IL1RAPL1: variants seen among roughly 807,000 people sequenced by gnomAD.
IL1RAPL1 encodes interleukin-1 receptor accessory protein-like 1.
Under a neutral mutation model 48.4 loss-of-function variants are expected in IL1RAPL1, and 3 were observed. That is an observed-to-expected ratio of 0.06 (90% CI 0.03 to 0.16). The LOEUF (loss-of-function observed/expected upper bound fraction) is 0.16. Among genes scored for constraint, IL1RAPL1 ranks in the 10% least tolerant of loss-of-function variants. The pLI is 1.00. For synonymous variants in IL1RAPL1, 185 were observed against 187.7 expected (o/e 0.99, Z 0.12); for missense variants, 349 against 530.6 (o/e 0.66, Z 3.36).
chrX:29,531,400 G>A (rs1569332356), intron 5 of IL1RAPL1, among the ~76,000 whole-genome samples: 1 of 111,839 alleles, frequency 8.9e-6, no homozygotes, highest in Non-Finnish European at 1.9e-5. Context: ...GCCATGTTTA[G>A]TATGCTTTTG....
chrX:29,949,208 C>T (rs1409567960), intron 9 of IL1RAPL1, among the ~76,000 whole-genome samples: 1 of 111,998 alleles, frequency 8.9e-6, no homozygotes, highest in East Asian at 2.8e-4. Context: ...TTTCCTTCTT[C>T]ATCAAGAGTT....
At chrX:29,406,143 A>G (rs992068313) in intron 5 of IL1RAPL1, among the ~76,000 whole-genome samples, 3 of 111,783 alleles carry the variant, frequency 2.7e-5, no homozygotes, top group Non-Finnish European at 3.8e-5. Flanking sequence ...TAATCCCAGC[A>G]CTTTGGGAGG....
intron 2 of IL1RAPL1, among the ~76,000 whole-genome samples, chrX:29,207,619 T>C (rs1217506105): frequency 1.8e-5 from 2 of 111,888 alleles, no homozygotes; most frequent in East Asian, 2.8e-4. Flanking sequence ...ATTATACCCA[T>C]GCTGACCTAG....
At chrX:29,117,320 C>T (rs764744175) in intron 2 of IL1RAPL1, among the ~76,000 whole-genome samples, 1 of 111,682 alleles carries the variant, frequency 9.0e-6, no homozygotes, top group Non-Finnish European at 1.9e-5. Context: ...ATAATAGACA[C>T]TAAATTTATT....
chrX:29,086,792 G>A (rs780135166), intron 2 of IL1RAPL1, among the ~76,000 whole-genome samples: 2 of 111,882 alleles, frequency 1.8e-5, no homozygotes, highest in South Asian at 7.4e-4. Context: ...ATAATATGTA[G>A]GGAAAATATA....
chrX:29,482,287 A>G (rs1935049434), intron 5 of IL1RAPL1, among the ~76,000 whole-genome samples: 1 of 111,705 alleles, frequency 9.0e-6, no homozygotes, highest in South Asian at 3.8e-4. Flanking sequence ...CCTATTGTTC[A>G]GGTTCAAGTC....
intron 1 of IL1RAPL1, among the ~76,000 whole-genome samples, chrX:28,671,094 A>G (rs1388593309): frequency 2.7e-5 from 3 of 112,272 alleles, no homozygotes; most frequent in Non-Finnish European, 5.6e-5. Context: ...CAGAAAAGGT[A>G]TTAACAAATC....
intron 2 of IL1RAPL1, among the ~76,000 whole-genome samples, chrX:28,968,615 AATAAC>A (rs1228630886): frequency 1.8e-5 from 2 of 112,912 alleles, no homozygotes; most frequent in African/African-American, 6.4e-5. Flanking sequence ...ATTCCCATAA[AATAAC>A]ATGAGTTAAG....
chrX:29,457,882 C>T (rs937025158), intron 5 of IL1RAPL1, among the ~76,000 whole-genome samples: 1 of 112,268 alleles, frequency 8.9e-6, no homozygotes, highest in Non-Finnish European at 1.9e-5. Context: ...TTTCAAATAG[C>T]TGTTCTGACT....
At chrX:29,077,876 T>C (rs1717518511) in intron 2 of IL1RAPL1, among the ~76,000 whole-genome samples, 1 of 110,542 alleles carries the variant, frequency 9.0e-6, no homozygotes, top group Admixed American at 9.7e-5. Context: ...AATCTGGGAG[T>C]CCCAGAGAGG....
intron 2 of IL1RAPL1, among the ~76,000 whole-genome samples, chrX:28,853,194 C>T (rs776265930): frequency 9.0e-6 from 1 of 111,720 alleles, no homozygotes; most frequent in Non-Finnish European, 1.9e-5. Flanking sequence ...CTGTCTACAG[C>T]AACTTCAATG....
chrX:29,835,877 C>CTTTTTTT (rs763080058), intron 6 of IL1RAPL1, among the ~76,000 whole-genome samples: 2 of 50,460 alleles, frequency 4.0e-5, no homozygotes, highest in Non-Finnish European at 7.2e-5. Context: ...TTTGAGTCTT[C>CTTTTTTT]TTTTTTTTTT....
chrX:28,769,366 GT>G (rs1041106025), intron 1 of IL1RAPL1, among the ~76,000 whole-genome samples: 1 of 110,821 alleles, frequency 9.0e-6, no homozygotes, highest in African/African-American at 3.3e-5. Context: ...TACTGAAAAG[GT>G]AAGACAAAAG....
rs760513936 is a variant in IL1RAPL1 at position 28,914,389 on chromosome X, A to C, written c.82+124964A>C. Among the ~76,000 whole-genome samples, 3 of 111,896 alleles carry C rather than the reference A, an allele frequency of 2.7e-5. No homozygotes were observed. In the Admixed American group the frequency reaches 2.8e-4, roughly 11 times the overall value. On this transcript the variant is annotated intron_variant, in intron 2 of 10. Coordinates refer to ENST00000378993, the MANE Select transcript of IL1RAPL1 (RefSeq NM_014271.4). The stretch of plus-strand genomic sequence containing the variant: ...TTCATCATATAGCCATCTACCATTG[A>C]ATAATTTTAGATGATCTCAAGTCTC...
At chrX:29,057,426 T>C (rs1240136467) in intron 2 of IL1RAPL1, among the ~76,000 whole-genome samples, 2 of 108,210 alleles carry the variant, frequency 1.8e-5, no homozygotes, top group Non-Finnish European at 3.8e-5. Flanking sequence ...CTTTTTTTTT[T>C]TCTTTTTTTT....
chrX:29,735,537 A>C (rs761255159), intron 6 of IL1RAPL1, among the ~76,000 whole-genome samples: 8 of 111,859 alleles, frequency 7.2e-5, no homozygotes, highest in Non-Finnish European at 1.5e-4. Flanking sequence ...GCTGACCCCA[A>C]GCTAGGGGCC....
intron 2 of IL1RAPL1, among the ~76,000 whole-genome samples, chrX:29,131,347 A>C (rs1037964381): frequency 9.1e-6 from 1 of 109,839 alleles, no homozygotes; most frequent in Non-Finnish European, 1.9e-5. Flanking sequence ...GATCTTGTCT[A>C]ATATTTTGGA....
At chrX:29,820,553 T>C (rs1462561011) in intron 6 of IL1RAPL1, among the ~76,000 whole-genome samples, 1 of 111,821 alleles carries the variant, frequency 8.9e-6, no homozygotes, top group Non-Finnish European at 1.9e-5. Context: ...TAATTATACC[T>C]ATTTTAGCCC....
intron 2 of IL1RAPL1, among the ~76,000 whole-genome samples, chrX:29,158,886 C>CT (rs1444937452): frequency 1.1e-5 from 1 of 94,572 alleles, no homozygotes; most frequent in East Asian, 3.3e-4. Flanking sequence ...TAAACAACCT[C>CT]TTTCTTTTCT....
Sources: allele counts gnomAD v4.1 joint callset (sites outside exome capture counted in the v4.1 genomes callset), GRCh38; gene constraint gnomAD v4.1.1; transcripts MANE v1.5; gene names NCBI Gene and HGNC (gene_info 2026-07-23, HGNC 2026-07-21).